Variants in MAN2A1 observed in about 807,000 individuals in gnomAD.
MAN2A1 encodes the protein alpha-mannosidase 2.
MAN2A1 carries 76 observed loss-of-function variants against 142.6 expected under a neutral mutation model. The observed-to-expected ratio is 0.53, with a 90% confidence interval of 0.44 to 0.65. MAN2A1 has a LOEUF of 0.65. Among genes scored for constraint, MAN2A1 ranks in the 30% least tolerant of loss-of-function variants. The probability of loss-of-function intolerance (pLI) is 0.00; values close to 1 mark genes in which losing one functional copy is unlikely to be tolerated. For synonymous variants in MAN2A1, 559 were observed against 473.2 expected (o/e 1.18, Z -2.35); for missense variants, 1,311 against 1,365.1 (o/e 0.96, Z 0.62).
chr5:109,777,212 C>A (rs1753317843), intron 8 of MAN2A1, among the ~76,000 whole-genome samples: 1 of 152,072 alleles, frequency 6.6e-6, no homozygotes, highest in South Asian at 2.1e-4. Context: ...ACAAGAGGTT[C>A]AGTTGTTCCA....
At chr5:109,727,254 A>G (rs1479910630) in intron 3 of MAN2A1, among the ~76,000 whole-genome samples, 4 of 152,140 alleles carry the variant, frequency 2.6e-5, no homozygotes, top group African/African-American at 9.7e-5. Flanking sequence ...TAGAAGTCCA[A>G]GATCAAGGTG....
chr5:109,706,585 G>A (rs1315831806), intron 1 of MAN2A1, among the ~76,000 whole-genome samples: 1 of 152,192 alleles, frequency 6.6e-6, no homozygotes, highest in Non-Finnish European at 1.5e-5. Context: ...CCAATGCTTA[G>A]CCATTAAGCT....
chr5:109,814,365 A>T (rs182959253), intron 12 of MAN2A1, among the ~76,000 whole-genome samples: 35 of 152,314 alleles, frequency 2.3e-4, no homozygotes, highest in Admixed American at 1.8e-3. Flanking sequence ...AAATGTGATG[A>T]CAATGAAAAT....
At chr5:109,824,909 T>C (rs1420920696) in intron 16 of MAN2A1, among the ~76,000 whole-genome samples, 1 of 152,216 alleles carries the variant, frequency 6.6e-6, no homozygotes, top group African/African-American at 2.4e-5. Context: ...GGACAAACTT[T>C]CTCATGCAAC....
chr5:109,806,553 A>G (rs1431525639), intron 12 of MAN2A1, among the ~76,000 whole-genome samples: 1 of 152,224 alleles, frequency 6.6e-6, no homozygotes, highest in African/African-American at 2.4e-5. Flanking sequence ...AGTATTATAA[A>G]CAAACATAAC....
In MAN2A1 at chr5:109,694,450, T is replaced by A. The variant is rs762273558; in HGVS notation, c.135+3898T>A. 1.8e-4 allele frequency among the ~76,000 whole-genome samples: 27 copies of A among 152,030 alleles called. 1 individual carries two copies. The highest frequency in any genetic ancestry group is 3.4e-4 in the Non-Finnish European group (23 of 67,996). Reference sequence around the variant, plus strand: ...CCTTGAATTCTTGGGCCCAAGCCATTCTCCCACCTCAGCCTTCTGAGTAGC... The same window carrying A: ...CCTTGAATTCTTGGGCCCAAGCCATACTCCCACCTCAGCCTTCTGAGTAGC... On this transcript the variant is annotated intron_variant, in intron 1 of 21. Transcript: ENST00000261483.
intron 4 of MAN2A1, among the ~76,000 whole-genome samples, chr5:109,735,006 T>TA (rs1561484993): frequency 6.6e-6 from 1 of 151,750 alleles, no homozygotes. Flanking sequence ...GTGGGAGTCT[T>TA]AAGTCTCTTT....
intron 4 of MAN2A1, among the ~76,000 whole-genome samples, chr5:109,751,367 A>C (rs1752542214): frequency 6.6e-6 from 1 of 152,020 alleles, no homozygotes; most frequent in African/African-American, 2.4e-5. Flanking sequence ...TCCATTGTTT[A>C]TATATATACC....
At chr5:109,707,105 C>A (rs1377614197) in intron 1 of MAN2A1, among the ~76,000 whole-genome samples, 1 of 152,110 alleles carries the variant, frequency 6.6e-6, no homozygotes. Context: ...AGAAAGGGAG[C>A]CACATATTGT....
At chr5:109,704,593 G>A (rs981005794) in intron 1 of MAN2A1, among the ~76,000 whole-genome samples, 2 of 152,128 alleles carry the variant, frequency 1.3e-5, no homozygotes, top group Non-Finnish European at 2.9e-5. Context: ...AAGGGGTGGA[G>A]TGGGCGCTTG....
At chr5:109,866,201 A>C (rs1755878481) in intron 21 of MAN2A1, among the ~76,000 whole-genome samples, 1 of 152,078 alleles carries the variant, frequency 6.6e-6, no homozygotes. Flanking sequence ...TTGATGATCT[A>C]AGTTTACTTG....
chr5:109,766,253 C>T (rs191122656), intron 5 of MAN2A1, among the ~76,000 whole-genome samples: 1 of 152,254 alleles, frequency 6.6e-6, no homozygotes, highest in African/African-American at 2.4e-5. Flanking sequence ...CCCTTGTTCT[C>T]ATTTGTTCAA....
At chr5:109,730,736 T>A (rs1387907621) in intron 4 of MAN2A1, among the ~76,000 whole-genome samples, 1 of 152,172 alleles carries the variant, frequency 6.6e-6, no homozygotes, top group Non-Finnish European at 1.5e-5. Flanking sequence ...TTCTAAACAA[T>A]TCTGTGAAAT....
At chr5:109,710,418 C>T (rs1296034519) in intron 1 of MAN2A1, among the ~76,000 whole-genome samples, 1 of 152,076 alleles carries the variant, frequency 6.6e-6, no homozygotes, top group Non-Finnish European at 1.5e-5. Context: ...ATGATCTTTT[C>T]CTCAAAGTAC....
intron 9 of MAN2A1, among the ~76,000 whole-genome samples, chr5:109,782,266 A>C (rs1205872520): frequency 6.6e-6 from 1 of 152,228 alleles, no homozygotes; most frequent in East Asian, 1.9e-4. Context: ...ACTATCCAGG[A>C]GAACTTTCAA....
At chr5:109,740,180 C>T (rs1752226804) in intron 4 of MAN2A1, among the ~76,000 whole-genome samples, 1 of 152,130 alleles carries the variant, frequency 6.6e-6, no homozygotes, top group South Asian at 2.1e-4. Context: ...TACAACGTCT[C>T]CTTAGTTCCT....
intron 16 of MAN2A1, among the ~76,000 whole-genome samples, chr5:109,834,150 T>G (rs996908306): frequency 6.6e-6 from 1 of 152,120 alleles, no homozygotes; most frequent in African/African-American, 2.4e-5. Context: ...AAACAGGAAG[T>G]AGGTAAGTTC....
chr5:109,795,025 A>T (rs1753825512), intron 12 of MAN2A1, among the ~76,000 whole-genome samples: 1 of 152,168 alleles, frequency 6.6e-6, no homozygotes, highest in Non-Finnish European at 1.5e-5. Context: ...TAAATAACCA[A>T]AAGTTTCTTA....
chr5:109,702,901 T>C (rs1403840824), intron 1 of MAN2A1, among the ~76,000 whole-genome samples: 1 of 152,214 alleles, frequency 6.6e-6, no homozygotes, highest in Non-Finnish European at 1.5e-5. Context: ...GGAAAGAATT[T>C]GTAAAACTTT....
Sources: gnomAD v4.1 joint callset for allele counts (sites outside exome capture counted in the v4.1 genomes callset) on GRCh38, gnomAD v4.1.1 for gene constraint, MANE v1.5 for transcripts, NCBI Gene and HGNC (gene_info 2026-07-23, HGNC 2026-07-21) for gene names.